CACNA2D3: variants seen among roughly 807,000 people sequenced by gnomAD.
CACNA2D3 encodes the protein calcium voltage-gated channel auxiliary subunit alpha2delta 3.
In CACNA2D3, 60 loss-of-function variants were observed where a neutral mutation model predicts 160.6. The ratio of observed to expected loss-of-function variants is 0.37; its 90% CI spans 0.30 to 0.46. CACNA2D3 has a LOEUF of 0.46. CACNA2D3 is among the 20% of genes least tolerant of loss of function. The pLI, the probability that CACNA2D3 is intolerant of heterozygous loss-of-function variation, is 1.00. For missense variants in CACNA2D3, 1,205 were observed against 1,365.0 expected (o/e 0.88, Z 1.85); for synonymous variants, 558 against 492.9 (o/e 1.13, Z -1.75).
chr3:54,769,903 C>A (rs554513622), intron 13 of CACNA2D3, among the ~76,000 whole-genome samples: 7 of 152,138 alleles, frequency 4.6e-5, no homozygotes, highest in Non-Finnish European at 8.8e-5. Flanking sequence ...GAGCCAGGCA[C>A]TAATGTCTGG....
At chr3:54,141,238 T>C (rs1255902651) in intron 2 of CACNA2D3, among the ~76,000 whole-genome samples, 3 of 152,168 alleles carry the variant, frequency 2.0e-5, no homozygotes, top group Non-Finnish European at 2.9e-5. Context: ...AAAGCTCTTA[T>C]GTGCTGAATT....
chr3:54,851,224 A>G (rs996123638), intron 17 of CACNA2D3, among the ~76,000 whole-genome samples: 4 of 152,206 alleles, frequency 2.6e-5, no homozygotes, highest in Non-Finnish European at 5.9e-5. Context: ...TAGCAAGCCT[A>G]GGATATTATG....
intron 13 of CACNA2D3, among the ~76,000 whole-genome samples, chr3:54,778,214 G>C (rs897208387): frequency 6.6e-6 from 1 of 152,056 alleles, no homozygotes; most frequent in Non-Finnish European, 1.5e-5. Flanking sequence ...TCACTGTGAG[G>C]AGAACAGCAA....
intron 27 of CACNA2D3, among the ~76,000 whole-genome samples, chr3:54,903,667 C>G (rs981646592): frequency 6.6e-6 from 1 of 152,218 alleles, no homozygotes; most frequent in Non-Finnish European, 1.5e-5. Context: ...AATTTACACT[C>G]CCACCAACAG....
At chr3:54,895,478 A>G (rs1322472221) in intron 25 of CACNA2D3, among the ~76,000 whole-genome samples, 1 of 152,188 alleles carries the variant, frequency 6.6e-6, no homozygotes, top group East Asian at 1.9e-4. Context: ...CATCTTTGGT[A>G]GAGGTGAAGG....
At chr3:54,159,525 G>A (rs1409046249) in intron 2 of CACNA2D3, among the ~76,000 whole-genome samples, 3 of 152,158 alleles carry the variant, frequency 2.0e-5, no homozygotes, top group Non-Finnish European at 2.9e-5. Context: ...AGAAGAGGGG[G>A]TAAATCAAGA....
intron 2 of CACNA2D3, among the ~76,000 whole-genome samples, chr3:54,232,705 C>A (rs1266015831): frequency 6.6e-6 from 1 of 152,116 alleles, no homozygotes; most frequent in African/African-American, 2.4e-5. Context: ...TATTGGATAG[C>A]CCATTTCTTG....
chr3:54,314,841 C>T (rs377757968), intron 2 of CACNA2D3, among the ~76,000 whole-genome samples: 5 of 152,238 alleles, frequency 3.3e-5, no homozygotes, highest in Admixed American at 6.5e-5. Context: ...GTGCTGGAGA[C>T]AGGATGCAAA....
At chr3:54,592,201 G>T (rs1274558518) in intron 9 of CACNA2D3, among the ~76,000 whole-genome samples, 1 of 152,142 alleles carries the variant, frequency 6.6e-6, no homozygotes, top group Non-Finnish European at 1.5e-5. Flanking sequence ...ATTTAAAAAT[G>T]TCGAAGAGGT....
At chr3:54,630,878 G>C (rs1699221742) in intron 10 of CACNA2D3, among the ~76,000 whole-genome samples, 1 of 152,000 alleles carries the variant, frequency 6.6e-6, no homozygotes, top group South Asian at 2.1e-4. Context: ...ATCTTGGAAA[G>C]CAAAAAGCCG....
At chr3:54,413,414 ATATAGATATC>A (rs1315654684) in intron 4 of CACNA2D3, among the ~76,000 whole-genome samples, 1 of 146,912 alleles carries the variant, frequency 6.8e-6, no homozygotes, top group African/African-American at 2.5e-5. Flanking sequence ...ATATCTATAT[ATATAGATATC>A]TATATATATA....
intron 2 of CACNA2D3, among the ~76,000 whole-genome samples, chr3:54,235,801 A>G (rs1701861983): frequency 1.3e-5 from 2 of 152,224 alleles, no homozygotes; most frequent in Non-Finnish European, 2.9e-5. Flanking sequence ...TAATTTAAGT[A>G]GCTGCTCCGG....
chr3:54,910,314 A>G (rs1173677141), intron 27 of CACNA2D3, among the ~76,000 whole-genome samples: 1 of 152,190 alleles, frequency 6.6e-6, no homozygotes, highest in South Asian at 2.1e-4. Flanking sequence ...GTATTCTGTT[A>G]CATTATTTTA....
chr3:54,344,507 A>G (rs1698421981), intron 3 of CACNA2D3, among the ~76,000 whole-genome samples: 1 of 152,188 alleles, frequency 6.6e-6, no homozygotes. Context: ...TTATCCCCAT[A>G]CAATTCTTTT....
chr3:54,394,168 G>A (rs1699331634), intron 4 of CACNA2D3, among the ~76,000 whole-genome samples: 1 of 152,004 alleles, frequency 6.6e-6, no homozygotes, highest in South Asian at 2.1e-4. Flanking sequence ...CTTCCTCAGA[G>A]AAAGGCCAGT....
intron 13 of CACNA2D3, among the ~76,000 whole-genome samples, chr3:54,783,187 G>A (rs531467885): frequency 1.3e-5 from 2 of 152,184 alleles, no homozygotes; most frequent in African/African-American, 4.8e-5. Context: ...CGCTTTTAAG[G>A]AACTGCCAAA....
chr3:54,561,403 A>G (rs1471322099), intron 5 of CACNA2D3, among the ~76,000 whole-genome samples: 1 of 152,186 alleles, frequency 6.6e-6, no homozygotes, highest in Non-Finnish European at 1.5e-5. Flanking sequence ...TAGGAATGCT[A>G]GTGATATTTT....
chr3:54,147,787 T>C (rs1165835451), intron 2 of CACNA2D3, among the ~76,000 whole-genome samples: 1 of 152,172 alleles, frequency 6.6e-6, no homozygotes, highest in Non-Finnish European at 1.5e-5. Context: ...TCAGAGGTAG[T>C]TATGATGGGA....
intron 27 of CACNA2D3, among the ~76,000 whole-genome samples, chr3:54,954,940 A>C (rs1410145897): frequency 1.3e-5 from 2 of 152,156 alleles, no homozygotes; most frequent in Non-Finnish European, 2.9e-5. Context: ...TTGCTCATTC[A>C]TTTACTCATC....
Sources: allele counts gnomAD v4.1 joint callset (sites outside exome capture counted in the v4.1 genomes callset), GRCh38; gene constraint gnomAD v4.1.1; transcripts MANE v1.5; gene names NCBI Gene and HGNC (gene_info 2026-07-23, HGNC 2026-07-21).